The following MLC1 variants were observed in gnomAD, a reference collection of about 807,000 sequenced individuals.
MLC1 encodes membrane protein MLC1.
A neutral mutation model predicts 44.7 loss-of-function variants in MLC1; 32 were observed. The ratio of observed to expected loss-of-function variants is 0.72; its 90% confidence interval spans 0.54 to 0.96. The LOEUF is 0.96. Among genes scored for constraint, MLC1 ranks in the 40% least tolerant of loss-of-function variants. The pLI, the probability that MLC1 is intolerant of heterozygous loss-of-function variation, is 0.00. For missense variants in MLC1, 459 were observed against 492.2 expected, an observed-to-expected ratio of 0.93 and a Z score of 0.64; for synonymous variants, 190 against 213.0, an observed-to-expected ratio of 0.89 and a Z score of 0.94.
intron 6 of MLC1, among the ~76,000 whole-genome samples, 167 bp from the exon 7 acceptor site, chr22:50,077,079 A>G (rs1353248185): frequency 1.3e-5 from 2 of 152,292 alleles, no homozygotes; most frequent in South Asian, 2.1e-4. Context: ...GTTCACACAC[A>G]TTGTCCTTGC....
At chr22:50,062,186 CATCCACCCTGA>C (rs2061577494) in intron 11 of MLC1, among the ~76,000 whole-genome samples, 1 of 147,548 alleles carries the variant, frequency 6.8e-6, no homozygotes, top group Non-Finnish European at 1.5e-5. Context: ...AAGCCCCAGC[CATCCACCCTGA>C]GCCCCAGCCG....
In MLC1 at chr22:50,076,881, T is replaced by A. The variant is rs1242021978; in HGVS notation, c.557A>T (p.Asp186Val). ...GACCCGAGCAGGAAATGGCACTTCG[T>A]CCAGAATGTTGGCGCTGTCAGACAT... ...GSMSDSANIL[D>V]EVPFPARVLK... The change falls in exon 7 of 12, where the codon GAC becomes GTC. Residue 186 changes from aspartate (D) to valine (V), a missense_variant. By Grantham distance (152) the Asp-to-Val change is radical (BLOSUM62 -3). Coordinates refer to ENST00000311597, the MANE Select transcript of MLC1 (RefSeq NM_015166.4). 1.9e-6 allele frequency: 3 copies of A among 1,613,870 alleles called. No homozygotes were observed. Among genetic ancestry groups the A allele is most frequent in the East Asian group, 4.5e-5 (2 of 44,870 alleles).
At chr22:50,084,695 C>A in intron 2 of MLC1, 31 bp downstream of exon 2, 1 of 1,611,288 alleles carries the variant, frequency 6.2e-7, no homozygotes, top group Non-Finnish European at 8.5e-7. Flanking sequence ...ATGCTCGTGG[C>A]CCTCCAAGGG....
chr22:50,064,335 T>G lies in MLC1; in HGVS notation c.895-137A>C, dbSNP rs2061658288. 3.0e-6 allele frequency: 3 copies of G among 990,244 alleles called. No individual in the cohort carries two copies. The Admixed American group carries it at 6.1e-5, about 20-fold the overall frequency. The allele number at this position is 990,244 out of a possible 1,614,324, so 61.3% of individuals were successfully genotyped here. A position where few individuals can be genotyped will look rare whatever the true frequency, so the allele number is the denominator to read the frequency against. ...CGGAGCCCCAGTAACCCAAACGCATTGCTATTTCAACAACCTGATGATAAT... is the reference window on the plus strand; with the variant it reads ...CGGAGCCCCAGTAACCCAAACGCATGGCTATTTCAACAACCTGATGATAAT... On this transcript the variant is annotated intron_variant, in intron 10 of 11. Coordinates refer to ENST00000311597, the MANE Select transcript of MLC1 (RefSeq NM_015166.4).
intron 9 of MLC1, among the ~76,000 whole-genome samples, chr22:50,069,549 G>A (rs2061799470): frequency 6.6e-6 from 1 of 152,086 alleles, no homozygotes; most frequent in Non-Finnish European, 1.5e-5. Flanking sequence ...GGGAGGCTGA[G>A]GCAGGAGAAT....
At chr22:50,082,006 G>C (rs2062154179) in intron 3 of MLC1, among the ~76,000 whole-genome samples, 1 of 152,260 alleles carries the variant, frequency 6.6e-6, no homozygotes, top group African/African-American at 2.4e-5. Context: ...ACCCAGGACA[G>C]CACGGGGCGG....
At chr22:50,076,706 G>A (rs1042678558) in intron 7 of MLC1, 135 bp downstream of exon 7, 4 of 862,498 alleles carry the variant, frequency 4.6e-6, no homozygotes, top group Non-Finnish European at 7.7e-6. Context: ...AGTCTCCACA[G>A]ATGAGGCGCA....
intron 7 of MLC1, among the ~76,000 whole-genome samples, chr22:50,075,349 G>A (rs182330722): frequency 6.6e-6 from 1 of 152,352 alleles, no homozygotes; most frequent in African/African-American, 2.4e-5. Flanking sequence ...CAAGGGCTTG[G>A]GGGCCGGAAG....
intron 8 of MLC1, among the ~76,000 whole-genome samples, chr22:50,073,883 A>C (rs527525250): frequency 3.3e-5 from 5 of 152,238 alleles, no homozygotes; most frequent in Non-Finnish European, 7.3e-5. Context: ...CACATAGTGT[A>C]ATATAAATGC....
At position 50,085,347 on chromosome 22, in the gene MLC1, G is replaced by A. The variant is rs1481010035; in HGVS notation, c.-60+8C>T. On this transcript the variant is annotated splice_region_variant and intron_variant, in intron 1 of 11. Coordinates refer to ENST00000311597, the MANE Select transcript of MLC1 (RefSeq NM_015166.4). ...CTCTACTCAACGGCTTAATGTCTGA[G>A]CACTTACCTCCCCCGCTGCTCTGCC... 5 of 340,740 alleles carry A rather than the reference G, an allele frequency of 1.5e-5. No individual in the cohort carries two copies. The highest frequency in any genetic ancestry group is 1.0e-4 in the Admixed American group (2 of 19,872). 21.1% of individuals were successfully genotyped at this position (340,740 alleles called of 1,614,324 possible).
In MLC1 at chr22:50,080,395, G is replaced by A. The variant is rs2062093009; in HGVS notation, c.270C>T (p.Cys90=). ...MDYLRCAAGS[C]IPSAIVSFTV... ...TGAAGCTCACAATTGCCGAGGGGAT[G>A]CACTGGAATGAAACCGGAATCCCAT... Residue 90 remains cysteine, a splice_region_variant and synonymous_variant, in exon 4 of 12, where the codon TGC becomes TGT. Coordinates refer to ENST00000311597, the MANE Select transcript of MLC1 (RefSeq NM_015166.4). The A allele has an allele frequency of 6.2e-7, 1 of 1,603,370 alleles. No homozygotes were observed.
At chr22:50,085,240 C>T (rs1020548485) in intron 1 of MLC1, 115 bp downstream of exon 1, 22 of 1,218,774 alleles carry the variant, frequency 1.8e-5, no homozygotes, top group African/African-American at 7.8e-5. Flanking sequence ...TCGGCAACTT[C>T]GTCCATGAAC....
At chr22:50,070,442 G>A in intron 9 of MLC1, 85 bp downstream of exon 9, 2 of 1,305,876 alleles carry the variant, frequency 1.5e-6, no homozygotes, top group South Asian at 1.3e-5. Context: ...CTGGAGCCTG[G>A]TCACATGGCA....
intron 8 of MLC1, among the ~76,000 whole-genome samples, chr22:50,073,548 T>C (rs915566636): frequency 1.3e-5 from 2 of 152,062 alleles, no homozygotes; most frequent in South Asian, 2.1e-4. Context: ...CTGGCCAACA[T>C]GGCAAAACCC....
chr22:50,068,290 C>A, intron 10 of MLC1, 143 bp downstream of exon 10: 1 of 1,269,998 alleles, frequency 7.9e-7, no homozygotes, highest in East Asian at 2.6e-5. Flanking sequence ...ACGGTCACCG[C>A]TGCCCAGGAA....
chr22:50,083,008 A>G lies in MLC1; in HGVS notation c.267+76T>C. On this transcript the variant is annotated intron_variant, in intron 3 of 11. Coordinates refer to ENST00000311597, the MANE Select transcript of MLC1 (RefSeq NM_015166.4). The surrounding 1 kb of genome is among the most constrained non-coding windows in gnomAD (Gnocchi z 4.6). ...TGAGGTACAGGTGACAGAAACCTGC[A>G]CATCTCAGAACAAAGAAACCAGAGC... 13 of 1,411,738 alleles carry G rather than the reference A, an allele frequency of 9.2e-6. No homozygotes were observed. The highest frequency in any genetic ancestry group is 2.3e-5 in the South Asian group (2 of 87,028). 87.5% of individuals were successfully genotyped at this position (1,411,738 alleles called of 1,614,324 possible). A position where few individuals can be genotyped will look rare whatever the true frequency, so the allele number is the denominator to read the frequency against.
rs372675474 is a variant in MLC1 at position 50,077,521 on chromosome 22, G to C, written c.424-19C>G. ...AGTTGATCTGCCAAGGGGCACACAC[G>C]CTTCAGCACCGGGCCCGCCTTTCTC... On this transcript the variant is annotated intron_variant, in intron 5 of 11. Transcript: ENST00000311597. 5 of 1,599,110 alleles carry C rather than the reference G, an allele frequency of 3.1e-6. No individual in the cohort carries two copies. The highest frequency in any genetic ancestry group is 1.7e-5 in the Admixed American group (1 of 59,962).
Position 50,064,210 on chromosome 22 carries a change from A to G in MLC1, c.895-12T>C, listed in dbSNP as rs1328231684. ...ACATCGTAGGATGGCTGCAGGCGGA[A>G]GGAGGTGTGAGCAGAGTGGCCCAGC... On this transcript the variant is annotated splice_polypyrimidine_tract_variant and intron_variant, in intron 10 of 11. Transcript: ENST00000311597. 3 of 1,584,554 alleles carry G rather than the reference A, an allele frequency of 1.9e-6. No homozygotes were observed. The highest frequency in any genetic ancestry group is 1.7e-6 in the Non-Finnish European group (2 of 1,171,896).
chr22:50,066,118 G>T lies in MLC1; in HGVS notation c.895-1920C>A, dbSNP rs559648358. ...TTTGGGAGGCCAAGGTGGGCGGATCGCTTGAGCCCAGGAGCTCATGACCAG... is the reference window on the plus strand; with the variant it reads ...TTTGGGAGGCCAAGGTGGGCGGATCTCTTGAGCCCAGGAGCTCATGACCAG... On this transcript the variant is annotated intron_variant, in intron 10 of 11. Transcript: ENST00000311597. Among the ~76,000 whole-genome samples the T allele has an allele frequency of 1.7e-3, 256 of 152,052 alleles. 1 individual carries two copies. The highest frequency in any genetic ancestry group is 8.5e-3 in the South Asian group (41 of 4,814).
Sources: allele counts gnomAD v4.1 joint callset (sites outside exome capture counted in the v4.1 genomes callset), GRCh38; gene constraint gnomAD v4.1.1; non-coding constraint Gnocchi (gnomAD v3.1); transcripts MANE v1.5; gene names NCBI Gene and HGNC (gene_info 2026-07-23, HGNC 2026-07-21).